KANSL1: variants seen among roughly 807,000 people sequenced by gnomAD.
KANSL1 encodes KAT8 regulatory NSL complex subunit 1, also known as MLL1/MLL complex subunit KANSL1.
A neutral mutation model predicts 103.6 loss-of-function variants in KANSL1; 22 were observed. That is an observed-to-expected ratio of 0.21 (90% CI 0.15 to 0.30). The LOEUF is 0.30. KANSL1 is among the 10% of genes least tolerant of loss of function. The probability of loss-of-function intolerance (pLI) is 1.00; values close to 1 mark genes in which losing one functional copy is unlikely to be tolerated. For synonymous variants in KANSL1, 600 were observed against 527.6 expected (o/e 1.14, Z -1.88); for missense variants, 1,337 against 1,399.8 (o/e 0.96, Z 0.72).
At chr17:46,072,395 A>C (rs2078610865) in intron 4 of KANSL1, among the ~76,000 whole-genome samples, 2 of 152,206 alleles carry the variant, frequency 1.3e-5, no homozygotes, top group Admixed American at 6.5e-5. Flanking sequence ...AAAAGTCAAC[A>C]GTTCAGTTTT....
At chr17:46,170,652 C>T in intron 2 of KANSL1, 1 of 596,298 alleles carries the variant, frequency 1.7e-6, no homozygotes, top group Non-Finnish European at 2.8e-6. Context: ...ATTTAGACTA[C>T]AACAATACAA....
At position 46,031,131 on chromosome 17, in the gene KANSL1, T is replaced by G; in HGVS notation, c.*345A>C. 1 of 330,388 alleles carries G rather than the reference T, an allele frequency of 3.0e-6. No homozygotes were observed. Among genetic ancestry groups the G allele is most frequent in the Non-Finnish European group, 5.7e-6 (1 of 174,958 alleles). 20.5% of individuals were successfully genotyped at this position (330,388 alleles called of 1,614,324 possible). ...GCTAAACTGTAGCCCGCCAGGCTGT[T>G]CTGCCCTGCCCACAGGTGTGAGGGA... On this transcript the variant is annotated 3_prime_UTR_variant, in exon 15 of 15. Transcript: ENST00000432791.
Position 46,080,311 on chromosome 17 carries a change from TTA to T in KANSL1, c.1533+2128_1533+2129del, listed in dbSNP as rs1491292904. On this transcript the variant is annotated intron_variant, in intron 4 of 14. Transcript: ENST00000432791. ...CTGGGTGACAGAGCAAGAGCCTGTC[TTA>T]AAAAAAAAAAAAAAAAAAAAAAAGG... is the stretch of plus-strand genomic sequence containing the variant. Among the ~76,000 whole-genome samples the T allele has an allele frequency of 1.9e-3, 74 of 38,978 alleles. 1 individual carries two copies. Among genetic ancestry groups the T allele is most frequent in the African/African-American group, 2.8e-3 (44 of 15,556 alleles). The allele number at this position is 38,978 out of a possible 152,430, so 25.6% of individuals were successfully genotyped here.
At position 46,146,832 on chromosome 17, in the gene KANSL1, CAAAAAAAAAAA is replaced by C. The variant is rs1023164178; in HGVS notation, c.1289+24012_1289+24022del. ...TGGGCGACAGAGCGAGACTCCGTCT[CAAAAAAAAAAA>C]AAAAAAAAAAAAAAGAAGTTGACAG... On this transcript the variant is annotated intron_variant, in intron 2 of 14. Transcript: ENST00000432791. Among the ~76,000 whole-genome samples the C allele has an allele frequency of 2.9e-3, 108 of 37,324 alleles. 2 individuals are homozygous for C. Among genetic ancestry groups the C allele is most frequent in the African/African-American group, 7.6e-3 (92 of 12,060 alleles). 24.5% of individuals were successfully genotyped at this position (37,324 alleles called of 152,430 possible).
intron 4 of KANSL1, among the ~76,000 whole-genome samples, chr17:46,072,210 T>C (rs2078605457): frequency 6.6e-6 from 1 of 152,180 alleles, no homozygotes; most frequent in African/African-American, 2.4e-5. Context: ...CTACTAGATT[T>C]GTTTCACCAA....
intron 2 of KANSL1, among the ~76,000 whole-genome samples, chr17:46,135,949 TTCA>T (rs1405553059): frequency 6.6e-6 from 1 of 152,174 alleles, no homozygotes; most frequent in Non-Finnish European, 1.5e-5. Context: ...TCAATAAAAT[TTCA>T]TCATTTTGAA....
intron 3 of KANSL1, chr17:46,093,936 C>G (rs920810796): frequency 3.9e-5 from 6 of 152,212 alleles, no homozygotes; most frequent in African/African-American, 1.4e-4. Context: ...TGAAATGTGG[C>G]AGTTTTATAA....
chr17:46,119,825 T>C (rs1458625563), intron 2 of KANSL1: 1 of 152,272 alleles, frequency 6.6e-6, no homozygotes, highest in African/African-American at 2.4e-5. Flanking sequence ...TTGACCTAAA[T>C]GTCCTTATTC....
intron 6 of KANSL1, among the ~76,000 whole-genome samples, chr17:46,056,205 G>A (rs762114576): frequency 6.6e-6 from 1 of 152,146 alleles, no homozygotes; most frequent in South Asian, 2.1e-4. Context: ...CGCCATGCTG[G>A]CAAGGTTGGT....
intron 1 of KANSL1, among the ~76,000 whole-genome samples, chr17:46,213,312 G>T (rs1227611563): frequency 6.6e-6 from 1 of 151,500 alleles, no homozygotes; most frequent in Non-Finnish European, 1.5e-5. Context: ...TGTTGTTGTT[G>T]TTTTTTGAGA....
At chr17:46,089,251 C>T (rs1177602666) in intron 3 of KANSL1, among the ~76,000 whole-genome samples, 2 of 152,098 alleles carry the variant, frequency 1.3e-5, no homozygotes, top group Non-Finnish European at 2.9e-5. Flanking sequence ...CAGAGGAGTT[C>T]CTAGAAGTTA....
At chr17:46,055,551 C>G (rs2146535827) in intron 6 of KANSL1, among the ~76,000 whole-genome samples, 1 of 151,148 alleles carries the variant, frequency 6.6e-6, no homozygotes, top group African/African-American at 2.4e-5. Context: ...GAAATTTAAG[C>G]ACAAAGCTTA....
intron 6 of KANSL1, among the ~76,000 whole-genome samples, chr17:46,064,766 G>C (rs11079730): frequency 0.14 from 22,026 of 151,938 alleles, 1,910 homozygotes; most frequent in East Asian, 0.46. Flanking sequence ...GAATACCTAA[G>C]CTCTGGAATA....
chr17:46,163,413 A>G (rs1435877231), intron 2 of KANSL1, among the ~76,000 whole-genome samples: 1 of 152,116 alleles, frequency 6.6e-6, no homozygotes, highest in Non-Finnish European at 1.5e-5. Context: ...CCCATGCTGG[A>G]GTTTAGTGGC....
intron 2 of KANSL1, among the ~76,000 whole-genome samples, chr17:46,147,181 A>T (rs1487347131): frequency 3.9e-5 from 6 of 152,270 alleles, no homozygotes; most frequent in Non-Finnish European, 8.8e-5. Flanking sequence ...CGATTTAAAA[A>T]GTCAATATGC....
At chr17:46,205,613 G>A (rs2732672) in intron 1 of KANSL1, among the ~76,000 whole-genome samples, 18,149 of 147,116 alleles carry the variant, frequency 0.12, no homozygotes, top group Non-Finnish European at 0.18. Flanking sequence ...CCCAGGAGGC[G>A]GAGGTTGCAA....
intron 1 of KANSL1, among the ~76,000 whole-genome samples, chr17:46,210,142 C>A (rs1426873543): frequency 6.6e-6 from 1 of 152,184 alleles, no homozygotes; most frequent in Non-Finnish European, 1.5e-5. Context: ...TAAAAGTGGA[C>A]ATCACACCAC....
rs1319097652 is a variant in KANSL1 at position 46,202,377 on chromosome 17, A to T, written c.-90+21294T>A. 3.9e-5 allele frequency among the ~76,000 whole-genome samples: 6 copies of T among 152,348 alleles called. No homozygotes were observed. In the East Asian group the frequency reaches 1.2e-3, roughly 29 times the overall value. ...ATTTCGGATAAGGGATATTCAATGTATACAGAGCAAAAGGCAGAATTCTCA... is the reference window on the plus strand; with the variant it reads ...ATTTCGGATAAGGGATATTCAATGTTTACAGAGCAAAAGGCAGAATTCTCA... On this transcript the variant is annotated intron_variant, in intron 1 of 14. Transcript: ENST00000572904.
At chr17:46,106,133 G>A (rs561547466) in intron 2 of KANSL1, among the ~76,000 whole-genome samples, 4 of 152,244 alleles carry the variant, frequency 2.6e-5, no homozygotes, top group East Asian at 1.9e-4. Flanking sequence ...TTGAAAATAC[G>A]GTTTATTGGA....
Sources: gnomAD v4.1 joint callset for allele counts (sites outside exome capture counted in the v4.1 genomes callset) on GRCh38, gnomAD v4.1.1 for gene constraint, MANE v1.5 for transcripts, NCBI Gene and HGNC (gene_info 2026-07-23, HGNC 2026-07-21) for gene names.